Variants in TAFA2 observed in about 807,000 individuals in gnomAD.
TAFA2 encodes chemokine-like protein TAFA-2.
TAFA2 carries 7 observed loss-of-function variants against 18.8 expected under a neutral mutation model. That is an observed-to-expected ratio of 0.37 (90% CI 0.21 to 0.70). The LOEUF is 0.70. TAFA2 is among the 30% of genes least tolerant of loss of function. TAFA2 has a pLI of 0.53. For missense variants in TAFA2, 122 were observed against 158.1 expected (o/e 0.77, Z 1.23); for synonymous variants, 60 against 54.2 (o/e 1.11, Z -0.47).
At chr12:62,205,195 G>C (rs1016554002) in intron 1 of TAFA2, among the ~76,000 whole-genome samples, 1 of 152,194 alleles carries the variant, frequency 6.6e-6, no homozygotes, top group African/African-American at 2.4e-5. Context: ...ATGGCTGCCT[G>C]CTCCTTCCTC....
chr12:61,961,280 T>C (rs1419311314), intron 1 of TAFA2, among the ~76,000 whole-genome samples: 1 of 151,798 alleles, frequency 6.6e-6, no homozygotes, highest in African/African-American at 2.4e-5. Flanking sequence ...ACTCCAACAA[T>C]GGGGATCACA....
At chr12:62,227,972 T>C (rs183492656) in intron 1 of TAFA2, among the ~76,000 whole-genome samples, 1 of 152,362 alleles carries the variant, frequency 6.6e-6, no homozygotes, top group East Asian at 1.9e-4. Flanking sequence ...TCTATGTATA[T>C]GTTTTTATGT....
At chr12:61,897,189 T>G (rs1273047869) in intron 1 of TAFA2, among the ~76,000 whole-genome samples, 13 of 152,308 alleles carry the variant, frequency 8.5e-5, no homozygotes, top group Admixed American at 7.8e-4. Flanking sequence ...TTAGGACCCA[T>G]GTAGAGTGGA....
At chr12:62,012,673 T>C (rs1880810834) in intron 1 of TAFA2, among the ~76,000 whole-genome samples, 1 of 152,158 alleles carries the variant, frequency 6.6e-6, no homozygotes, top group Admixed American at 6.5e-5. Flanking sequence ...TTTGAAAATG[T>C]AATGGGAAAT....
intron 2 of TAFA2, among the ~76,000 whole-genome samples, chr12:61,792,854 A>T (rs1871039702): frequency 1.3e-5 from 2 of 151,702 alleles, no homozygotes; most frequent in South Asian, 4.1e-4. Flanking sequence ...TAAATAACTG[A>T]CTTAAAAAGT....
intron 4 of TAFA2, among the ~76,000 whole-genome samples, chr12:61,728,336 A>G (rs1870272962): frequency 6.6e-6 from 1 of 151,980 alleles, no homozygotes; most frequent in South Asian, 2.1e-4. Context: ...GAAGTCTTCC[A>G]CTATTATTGT....
rs61653550 is a variant in TAFA2, at chr12:62,088,579, C to T, written c.-2+102680G>A. Among the ~76,000 whole-genome samples, 349 of 120,494 alleles carry T rather than the reference C, an allele frequency of 2.9e-3. 3 individuals carry two copies. Among genetic ancestry groups the T allele is most frequent in the African/African-American group, 1.0e-2 (328 of 32,908 alleles). 79.0% of individuals were successfully genotyped at this position (120,494 alleles called of 152,430 possible). ...ACGAAGAGATAGAAAAGAAGACTCT[C>T]GGGGAAACAGCCCTGTAGAGGGCCT... On this transcript the variant is annotated intron_variant, in intron 1 of 4. Transcript: ENST00000416284.
chr12:62,146,558 A>T (rs2136914046), intron 1 of TAFA2, among the ~76,000 whole-genome samples: 1 of 152,254 alleles, frequency 6.6e-6, no homozygotes, highest in Middle Eastern at 3.4e-3. Flanking sequence ...GGAGGTAGGA[A>T]GGCTTCTGGT....
At chr12:61,895,927 A>G (rs1875821725) in intron 1 of TAFA2, among the ~76,000 whole-genome samples, 1 of 152,120 alleles carries the variant, frequency 6.6e-6, no homozygotes, top group East Asian at 1.9e-4. Flanking sequence ...ATATTTGGTT[A>G]TATACAGAAG....
chr12:62,059,118 A>AAT (rs1555186752), intron 1 of TAFA2, among the ~76,000 whole-genome samples: 29 of 68,514 alleles, frequency 4.2e-4, no homozygotes, highest in Admixed American at 1.3e-3. Flanking sequence ...AAATAATAAT[A>AAT]ATATATATAT....
intron 1 of TAFA2, among the ~76,000 whole-genome samples, chr12:62,230,358 T>C (rs1384603941): frequency 6.6e-6 from 1 of 152,150 alleles, no homozygotes; most frequent in African/African-American, 2.4e-5. Context: ...GCTACAAACT[T>C]CCCTCTTAGT....
intron 1 of TAFA2, among the ~76,000 whole-genome samples, chr12:62,184,605 C>A (rs972287420): frequency 5.4e-5 from 8 of 148,174 alleles, no homozygotes; most frequent in Non-Finnish European, 1.2e-4. Context: ...GTGATCCTCC[C>A]CCCTCTCAGC....
intron 1 of TAFA2, among the ~76,000 whole-genome samples, chr12:61,997,193 A>G (rs34091693): frequency 0.73 from 102,002 of 139,942 alleles, 36,641 homozygotes; most frequent in Middle Eastern, 0.82. Flanking sequence ...GTGTGTGTGT[A>G]TATATATATA....
At chr12:61,779,565 A>G (rs1323582321) in intron 2 of TAFA2, among the ~76,000 whole-genome samples, 2 of 151,854 alleles carry the variant, frequency 1.3e-5, no homozygotes, top group African/African-American at 4.8e-5. Flanking sequence ...TTTGCTAACT[A>G]TGATCTTATT....
chr12:61,811,362 C>T (rs1345473825), intron 2 of TAFA2, among the ~76,000 whole-genome samples: 1 of 151,198 alleles, frequency 6.6e-6, no homozygotes, highest in Non-Finnish European at 1.5e-5. Flanking sequence ...TTAAAATACT[C>T]CATATATTGG....
At chr12:61,750,025 T>A (rs1338041939) in intron 4 of TAFA2, among the ~76,000 whole-genome samples, 2 of 151,012 alleles carry the variant, frequency 1.3e-5, no homozygotes, top group Non-Finnish European at 2.9e-5. Flanking sequence ...AGAATCACAG[T>A]CTGTTTTTTT....
chr12:61,724,908 G>A (rs1005055130), intron 4 of TAFA2, among the ~76,000 whole-genome samples: 2 of 146,098 alleles, frequency 1.4e-5, no homozygotes, highest in Admixed American at 1.4e-4. Flanking sequence ...GTTTTGCATA[G>A]TGGTTGTACT....
intron 1 of TAFA2, among the ~76,000 whole-genome samples, chr12:62,110,612 C>CTTTT (rs68008958): frequency 0.19 from 19,374 of 104,254 alleles, 1,617 homozygotes; most frequent in East Asian, 0.3. Context: ...TGGTCCTGGG[C>CTTTT]TTTTTTTTTT....
chr12:61,875,006 T>C (rs1198997055), intron 1 of TAFA2, among the ~76,000 whole-genome samples: 1 of 152,106 alleles, frequency 6.6e-6, no homozygotes, highest in Non-Finnish European at 1.5e-5. Flanking sequence ...CAAAGGTCCT[T>C]CTCTCAGAGC....
Sources: allele counts gnomAD v4.1 joint callset (sites outside exome capture counted in the v4.1 genomes callset), GRCh38; gene constraint gnomAD v4.1.1; transcripts MANE v1.5; gene names NCBI Gene and HGNC (gene_info 2026-07-23, HGNC 2026-07-21).